PRICKLE2: variants seen among roughly 807,000 people sequenced by gnomAD.
PRICKLE2 encodes prickle-like protein 2.
PRICKLE2 carries 21 observed loss-of-function variants against 81.4 expected under a neutral mutation model. The ratio of observed to expected loss-of-function variants is 0.26; its 90% CI spans 0.18 to 0.37. PRICKLE2 has a LOEUF of 0.37. PRICKLE2 is among the 10% of genes least tolerant of loss of function. The probability of loss-of-function intolerance (pLI) is 1.00; values close to 1 mark genes in which losing one functional copy is unlikely to be tolerated. For missense variants in PRICKLE2, 940 were observed against 1,109.0 expected, an observed-to-expected ratio of 0.85 and a Z score of 2.16; for synonymous variants, 456 against 421.5, an observed-to-expected ratio of 1.08 and a Z score of -1.00.
intron 1 of PRICKLE2, among the ~76,000 whole-genome samples, 162 bp downstream of exon 1, chr3:64,224,748 A>G (rs2079007444): frequency 6.6e-6 from 1 of 152,168 alleles, no homozygotes; most frequent in Admixed American, 6.5e-5. Context: ...TCAGCATAGA[A>G]AAGGCAAAAG....
chr3:64,190,544 A>C (rs1018209715), intron 2 of PRICKLE2, among the ~76,000 whole-genome samples: 1 of 152,220 alleles, frequency 6.6e-6, no homozygotes, highest in Admixed American at 6.5e-5. Context: ...TGCCTGACAC[A>C]TAGTAGGTAT....
intron 2 of PRICKLE2, among the ~76,000 whole-genome samples, chr3:64,258,845 AAAAG>A (rs572884974): frequency 0.052 from 1,773 of 33,948 alleles, 52 homozygotes; most frequent in South Asian, 0.071. Flanking sequence ...AAAAAAAAAA[AAAAG>A]AAAGAAAGAA....
chr3:64,266,793 C>A (rs1297178531), intron 2 of PRICKLE2, among the ~76,000 whole-genome samples: 2 of 152,102 alleles, frequency 1.3e-5, no homozygotes, highest in Non-Finnish European at 2.9e-5. Flanking sequence ...ATTCACACCA[C>A]CTAAACAACT....
intron 2 of PRICKLE2, among the ~76,000 whole-genome samples, chr3:64,196,736 G>A (rs2078461700): frequency 1.3e-5 from 2 of 152,016 alleles, no homozygotes; most frequent in Non-Finnish European, 1.5e-5. Flanking sequence ...ATCACAAAAC[G>A]GAAGTGCCTG....
chr3:64,236,016 TCTTA>T (rs2079175317), intron 2 of PRICKLE2, among the ~76,000 whole-genome samples: 2 of 152,202 alleles, frequency 1.3e-5, no homozygotes, highest in Non-Finnish European at 2.9e-5. Flanking sequence ...CTCTCACTCT[TCTTA>T]CTAAGATTTA....
chr3:64,165,892 A>T (rs1485714209), intron 2 of PRICKLE2, among the ~76,000 whole-genome samples: 1 of 152,050 alleles, frequency 6.6e-6, no homozygotes. Flanking sequence ...AGCAAGAAAA[A>T]TACGTTGCAA....
intron 7 of PRICKLE2, among the ~76,000 whole-genome samples, chr3:64,108,749 T>A (rs2076796651): frequency 6.6e-6 from 1 of 152,116 alleles, no homozygotes; most frequent in South Asian, 2.1e-4. Context: ...ACGATTTTCT[T>A]TGCAACACAA....
chr3:64,210,439 G>A (rs1032283902), intron 1 of PRICKLE2, among the ~76,000 whole-genome samples: 6 of 152,126 alleles, frequency 3.9e-5, no homozygotes, highest in East Asian at 1.9e-4. Context: ...GCTCAAGGGC[G>A]GAGACTGTGA....
chr3:64,177,125 C>CTTTCTTTTT (rs2078038641), intron 2 of PRICKLE2, among the ~76,000 whole-genome samples: 1 of 70,838 alleles, frequency 1.4e-5, no homozygotes, highest in Admixed American at 2.7e-4. Context: ...CCATTTTAAC[C>CTTTCTTTTT]TTTTTTTTTT....
chr3:64,213,870 T>C (rs2078831335), intron 1 of PRICKLE2, among the ~76,000 whole-genome samples: 1 of 152,136 alleles, frequency 6.6e-6, no homozygotes, highest in Non-Finnish European at 1.5e-5. Flanking sequence ...CCAAAGCCCT[T>C]CACCAAACAC....
At position 64,146,992 on chromosome 3, in the gene PRICKLE2, C is replaced by T; in HGVS notation, c.1498G>A (p.Val500Ile). The stretch of plus-strand genomic sequence containing the variant: ...TCCTCTTCCTCCTCATATTTGGGGA[C>T]TTGGATGCTGCCTCGGGTCTCACTG... ...SFSETRGSIQ[V>I]PKYEEEEEEE... Residue 500 changes from valine to isoleucine, a missense_variant, in exon 7 of 8, where the codon GTC (valine) becomes ATC (isoleucine). Physicochemically the swap from Val to Ile is conservative, Grantham distance 29. Transcript: ENST00000638394. 1 of 1,614,104 alleles carries T rather than the reference C, an allele frequency of 6.2e-7. No individual in the cohort carries two copies. The highest frequency in any genetic ancestry group is 1.3e-5 in the African/African-American group (1 of 75,008).
At chr3:64,196,557 C>G (rs1293879243) in intron 2 of PRICKLE2, among the ~76,000 whole-genome samples, 2 of 152,130 alleles carry the variant, frequency 1.3e-5, no homozygotes, top group South Asian at 2.1e-4. Context: ...ATAATAAAAT[C>G]TTTACTAAAA....
rs1389214559 is a variant in PRICKLE2, at chr3:64,153,427, G to C, written c.601-59C>G. The C allele has an allele frequency of 6.4e-6, 10 of 1,556,398 alleles. No homozygotes were observed. In the Admixed American group the frequency reaches 1.3e-4, roughly 21 times the overall value. ...AAACCCATCCAGAACATATTTTAAA[G>C]GAAGAAAGCTATGGGGTCCTTGAAC... On this transcript the variant is annotated intron_variant, in intron 5 of 7. Transcript: ENST00000638394.
intron 2 of PRICKLE2, among the ~76,000 whole-genome samples, chr3:64,180,505 C>A (rs1206349321): frequency 6.6e-6 from 1 of 151,404 alleles, no homozygotes; most frequent in African/African-American, 2.4e-5. Context: ...CCACCATTTT[C>A]CTTTCAGTAT....
At chr3:64,231,481 C>T (rs2079102005) in intron 2 of PRICKLE2, among the ~76,000 whole-genome samples, 1 of 152,146 alleles carries the variant, frequency 6.6e-6, no homozygotes, top group South Asian at 2.1e-4. Flanking sequence ...AGGAGAACAA[C>T]AAAGATCTGT....
chr3:64,221,833 G>A lies in PRICKLE2; in HGVS notation c.-41+3077C>T, dbSNP rs77247911. ...TAAATAAAGAGGTTTCTGCTAATTC[G>A]AGGCAGGCAGTGCAGTTGGGTCATT... On this transcript the variant is annotated intron_variant, in intron 1 of 7. Coordinates refer to ENST00000638394, the MANE Select transcript of PRICKLE2 (RefSeq NM_198859.4). 1.1e-4 allele frequency among the ~76,000 whole-genome samples: 17 copies of A among 152,256 alleles called. No individual in the cohort carries two copies. The East Asian group carries it at 1.4e-3, about 12-fold the overall frequency.
At chr3:64,148,370 TAC>T (rs1210013641) in intron 6 of PRICKLE2, among the ~76,000 whole-genome samples, 1 of 152,218 alleles carries the variant, frequency 6.6e-6, no homozygotes, top group Non-Finnish European at 1.5e-5. Flanking sequence ...CAACAGTATA[TAC>T]ATGCATCTGT....
intron 1 of PRICKLE2, among the ~76,000 whole-genome samples, chr3:64,206,971 C>T (rs1380846728): frequency 6.6e-6 from 1 of 152,222 alleles, no homozygotes; most frequent in African/African-American, 2.4e-5. Flanking sequence ...GTGATCATGG[C>T]TCACTGCAGC....
At position 64,103,185 on chromosome 3, in the gene PRICKLE2, G is replaced by A. The variant is rs555272167; in HGVS notation, c.1661-3260C>T. 4 of 152,242 alleles carry A rather than the reference G, an allele frequency of 2.6e-5. No individual in the cohort carries two copies. The East Asian group carries it at 7.7e-4, about 29-fold the overall frequency. The allele number at this position is 152,242 out of a possible 1,614,324, so 9.4% of individuals were successfully genotyped here. On this transcript the variant is annotated intron_variant, in intron 7 of 7. Transcript: ENST00000638394. ...TTCTGAAGGAAATTTGGAAACATCT[G>A]GACACATTTTTGGTTGTCACTATTA...
Sources: gnomAD v4.1 joint callset for allele counts (sites outside exome capture counted in the v4.1 genomes callset) on GRCh38, gnomAD v4.1.1 for gene constraint, MANE v1.5 for transcripts, NCBI Gene and HGNC (gene_info 2026-07-23, HGNC 2026-07-21) for gene names.